The following GPR176 variants were observed in gnomAD, a reference collection of about 807,000 sequenced individuals.
GPR176 encodes G protein-coupled receptor 176.
Under a neutral mutation model 35.4 loss-of-function variants are expected in GPR176, and 26 were observed. The ratio of observed to expected loss-of-function variants is 0.74; its 90% CI spans 0.54 to 1.02. GPR176 has a LOEUF of 1.02. Among genes scored for constraint, GPR176 ranks in the 50% least tolerant of loss-of-function variants. The pLI is 0.00. For missense variants in GPR176, 597 were observed against 665.3 expected (o/e 0.90, Z 1.13); for synonymous variants, 278 against 271.3 (o/e 1.02, Z -0.24).
In GPR176 at chr15:39,869,152, TAAA is replaced by T. The variant is rs66463189; in HGVS notation, c.172+50700_172+50702del. On this transcript the variant is annotated intron_variant, in intron 1 of 2. Coordinates refer to ENST00000561100, the MANE Select transcript of GPR176 (RefSeq NM_007223.3). ...GTCCTTCATTCCCACAACTGCTTTTTAAAAAAAAAAAAAAAAAAAAAAGAACAC... is the reference window on the plus strand; with the variant it reads ...GTCCTTCATTCCCACAACTGCTTTTTAAAAAAAAAAAAAAAAAAAGAACAC... 9.7e-3 allele frequency among the ~76,000 whole-genome samples: 1,259 copies of T among 129,998 alleles called. 14 individuals are homozygous for T. The highest frequency in any genetic ancestry group is 0.059 in the East Asian group (276 of 4,640). The allele number at this position is 129,998 out of a possible 152,430, so 85.3% of individuals were successfully genotyped here.
chr15:39,835,327 T>C (rs554631951), intron 1 of GPR176, among the ~76,000 whole-genome samples: 2 of 152,158 alleles, frequency 1.3e-5, no homozygotes, highest in East Asian at 1.9e-4. Flanking sequence ...CCAAAATATC[T>C]TGTACCCCAT....
intron 1 of GPR176, among the ~76,000 whole-genome samples, chr15:39,864,279 A>T (rs2031731454): frequency 1.3e-5 from 2 of 152,192 alleles, no homozygotes; most frequent in African/African-American, 4.8e-5. Flanking sequence ...TTAACAGATC[A>T]TTAAACTGTC....
intron 1 of GPR176, among the ~76,000 whole-genome samples, chr15:39,812,626 G>A (rs114576437): frequency 0.015 from 2,333 of 152,152 alleles, 49 homozygotes; most frequent in African/African-American, 0.048. Flanking sequence ...CTTTGTGATC[G>A]TGTGAGTCAA....
chr15:39,804,586 G>A (rs1352727279), intron 2 of GPR176, among the ~76,000 whole-genome samples: 5 of 148,548 alleles, frequency 3.4e-5, no homozygotes, highest in African/African-American at 7.5e-5. Flanking sequence ...AAACTGTTCA[G>A]AATAATGTAT....
intron 1 of GPR176, chr15:39,862,005 A>G (rs1168895083): frequency 6.6e-6 from 1 of 152,148 alleles, no homozygotes; most frequent in African/African-American, 2.4e-5. Flanking sequence ...AGGCCTTTAG[A>G]AACTGCCACT....
chr15:39,802,090 C>T lies in GPR176; in HGVS notation c.590G>A (p.Ser197Asn), dbSNP rs146716532. Residue 197 changes from serine to asparagine, a missense_variant, in exon 3 of 3, where the codon AGC (serine) becomes AAC (asparagine). Ser to Asn is a conservative substitution (Grantham distance 46, BLOSUM62 1). Coordinates refer to ENST00000561100, the MANE Select transcript of GPR176 (RefSeq NM_007223.3). ...GTACACCAGGTGGCCCAAGGAGTTG[C>T]TCCAGACTTCCGTGCAGGTGGACGT... ...YATSTCTEVW[S>N]NSLGHLVYVL... is the part of the protein sequence containing the mutation. 122 of 1,614,172 alleles carry T rather than the reference C, an allele frequency of 7.6e-5. 1 individual carries two copies. The East Asian group carries it at 2.7e-3, about 35-fold the overall frequency.
chr15:39,806,713 A>G (rs1338816381), intron 2 of GPR176, among the ~76,000 whole-genome samples: 1 of 152,148 alleles, frequency 6.6e-6, no homozygotes, highest in Non-Finnish European at 1.5e-5. Flanking sequence ...CACAAATACC[A>G]CCAACTGCAA....
chr15:39,893,518 C>T (rs1595511972), intron 1 of GPR176, among the ~76,000 whole-genome samples: 1 of 152,280 alleles, frequency 6.6e-6, no homozygotes, highest in Non-Finnish European at 1.5e-5. Flanking sequence ...TACACAGACA[C>T]GGCAACCATC....
In GPR176 at chr15:39,897,597, A is replaced by ATTTT. The variant is rs1491229135; in HGVS notation, c.172+22257_172+22258insAAAA. On this transcript the variant is annotated intron_variant, in intron 1 of 2. Coordinates refer to ENST00000561100, the MANE Select transcript of GPR176 (RefSeq NM_007223.3). ...CTGAGAGATCATGAGAAACATCCAA[A>ATTTT]TATTTTTTTTTTTTTTTTTTTTTTT... Among the ~76,000 whole-genome samples the ATTTT allele has an allele frequency of 8.0e-3, 753 of 93,596 alleles. 12 individuals are homozygous for ATTTT. The highest frequency in any genetic ancestry group is 0.03 in the African/African-American group (725 of 24,470). 61.4% of individuals were successfully genotyped at this position (93,596 alleles called of 152,430 possible).
chr15:39,887,584 C>G (rs1035381839), intron 1 of GPR176, among the ~76,000 whole-genome samples: 2 of 116,658 alleles, frequency 1.7e-5, no homozygotes, highest in African/African-American at 6.4e-5. Flanking sequence ...CAGCATCCAA[C>G]AGTTAATTTA....
intron 1 of GPR176, among the ~76,000 whole-genome samples, chr15:39,890,804 AG>A (rs542209365): frequency 1.8e-3 from 275 of 152,356 alleles, no homozygotes; most frequent in African/African-American, 6.3e-3. Flanking sequence ...GGTAATGGTA[AG>A]AAACCTGAGC....
At chr15:39,907,310 T>C (rs923946878) in intron 1 of GPR176, among the ~76,000 whole-genome samples, 1 of 152,232 alleles carries the variant, frequency 6.6e-6, no homozygotes, top group African/African-American at 2.4e-5. Flanking sequence ...AACTTGACAA[T>C]GCCCACGTGA....
At chr15:39,886,598 C>G (rs919688771) in intron 1 of GPR176, among the ~76,000 whole-genome samples, 1 of 152,122 alleles carries the variant, frequency 6.6e-6, no homozygotes, top group Non-Finnish European at 1.5e-5. Context: ...ACTTGGCACA[C>G]GAATACTAAT....
chr15:39,912,583 A>G (rs2033608372), intron 1 of GPR176, among the ~76,000 whole-genome samples: 1 of 148,712 alleles, frequency 6.7e-6, no homozygotes, highest in Non-Finnish European at 1.5e-5. Context: ...GCACCACTTC[A>G]CTCCAGCCTG....
At chr15:39,884,402 C>T (rs771531209) in intron 1 of GPR176, among the ~76,000 whole-genome samples, 4 of 152,176 alleles carry the variant, frequency 2.6e-5, no homozygotes, top group Non-Finnish European at 5.9e-5. Flanking sequence ...ATTAAACACA[C>T]CTTGTATAAG....
At chr15:39,890,654 T>C (rs1675783346) in intron 1 of GPR176, among the ~76,000 whole-genome samples, 1 of 152,258 alleles carries the variant, frequency 6.6e-6, no homozygotes, top group African/African-American at 2.4e-5. Context: ...TCATTCATTC[T>C]AGCTACAAAT....
At chr15:39,890,961 G>A (rs1037319279) in intron 1 of GPR176, among the ~76,000 whole-genome samples, 2 of 152,192 alleles carry the variant, frequency 1.3e-5, no homozygotes, top group Non-Finnish European at 1.5e-5. Context: ...AGAACCCAAG[G>A]GGGAGGTAGC....
intron 1 of GPR176, among the ~76,000 whole-genome samples, chr15:39,853,866 A>G (rs2031031484): frequency 6.6e-6 from 1 of 152,212 alleles, no homozygotes; most frequent in South Asian, 2.1e-4. Context: ...TTTCTGTTCA[A>G]TAAGGGTATA....
At chr15:39,898,021 C>G (rs1005890629) in intron 1 of GPR176, among the ~76,000 whole-genome samples, 1 of 152,216 alleles carries the variant, frequency 6.6e-6, no homozygotes, top group Non-Finnish European at 1.5e-5. Flanking sequence ...TGTCAAAATT[C>G]TAAGTTATCA....
Sources: allele counts gnomAD v4.1 joint callset (sites outside exome capture counted in the v4.1 genomes callset), GRCh38; gene constraint gnomAD v4.1.1; transcripts MANE v1.5; gene names NCBI Gene and HGNC (gene_info 2026-07-23, HGNC 2026-07-21).